GRHL1: variants seen among roughly 807,000 people sequenced by gnomAD.
GRHL1 encodes grainyhead like transcription factor 1, also known as grainyhead-like protein 1 homolog.
In GRHL1, 38 loss-of-function variants were observed where a neutral mutation model predicts 75.7. The ratio of observed to expected loss-of-function variants is 0.50; its 90% CI spans 0.39 to 0.66. GRHL1 has a LOEUF of 0.66. Ranked by LOEUF, GRHL1 falls within the 30% of genes least tolerant of loss-of-function variation. GRHL1 has a pLI of 0.00. For synonymous variants in GRHL1, 266 were observed against 279.4 expected (o/e 0.95, Z 0.48); for missense variants, 589 against 767.5 (o/e 0.77, Z 2.75).
chr2:9,994,984 C>T (rs542893954), intron 12 of GRHL1, among the ~76,000 whole-genome samples: 1 of 152,270 alleles, frequency 6.6e-6, no homozygotes, highest in African/African-American at 2.4e-5. Context: ...GGGGTCCCCT[C>T]CAGTCTTGAC....
intron 8 of GRHL1, among the ~76,000 whole-genome samples, chr2:9,972,840 G>C (rs1393529255): frequency 6.6e-6 from 1 of 152,168 alleles, no homozygotes; most frequent in Non-Finnish European, 1.5e-5. Flanking sequence ...CGTGACACAG[G>C]GGAGAACCGT....
Position 9,979,620 on chromosome 2 carries a change from A to G in GRHL1, c.1111-6504A>G, listed in dbSNP as rs374649169. Among the ~76,000 whole-genome samples the G allele has an allele frequency of 9.2e-5, 14 of 152,354 alleles. No homozygotes were observed. The East Asian group carries it at 1.9e-3, about 21-fold the overall frequency. ...ATTATAGCAGCAACGTTACAAAACC[A>G]TGTAAAATTCTACCTAAATTTCTCA... On this transcript the variant is annotated intron_variant, in intron 8 of 15. Coordinates refer to ENST00000324907, the MANE Select transcript of GRHL1 (RefSeq NM_198182.3).
Position 9,979,003 on chromosome 2 carries a change from T to C in GRHL1, c.1111-7121T>C, listed in dbSNP as rs574829552. Among the ~76,000 whole-genome samples the C allele has an allele frequency of 1.6e-3, 237 of 143,972 alleles. 1 individual carries two copies. Among genetic ancestry groups the C allele is most frequent in the African/African-American group, 5.9e-3 (227 of 38,356 alleles). The allele number at this position is 143,972 out of a possible 152,430, so 94.5% of individuals were successfully genotyped here. ...CAAAACTCCCTCTCAAAAAACAAAA[T>C]TCAAAAATTAGCCAGATGTAGTGGT... On this transcript the variant is annotated intron_variant, in intron 8 of 15. Transcript: ENST00000324907.
intron 8 of GRHL1, among the ~76,000 whole-genome samples, chr2:9,973,388 C>G (rs761391509): frequency 9.9e-5 from 15 of 152,110 alleles, no homozygotes; most frequent in Non-Finnish European, 2.1e-4. Context: ...GAAGGAAGGT[C>G]ATCAGTGTTT....
intron 8 of GRHL1, 42 bp downstream of exon 8, chr2:9,965,423 G>A (rs1358295505): frequency 1.0e-6 from 1 of 991,608 alleles, no homozygotes; most frequent in Non-Finnish European, 1.6e-6. Flanking sequence ...AGCCATTTGA[G>A]AAATGGGAGG....
chr2:9,953,459 T>G lies in GRHL1; in HGVS notation c.21-1456T>G, dbSNP rs141329211. ...TTAAAGTTGAGATTTGTGTAAGCAA[T>G]CTTCTCCATTTTTAGACAAATGATC... is the stretch of plus-strand genomic sequence containing the variant. On this transcript the variant is annotated intron_variant, in intron 1 of 15. Coordinates refer to ENST00000324907, the MANE Select transcript of GRHL1 (RefSeq NM_198182.3). Among the ~76,000 whole-genome samples, 594 of 152,372 alleles carry G rather than the reference T, an allele frequency of 3.9e-3. 6 individuals carry two copies. Among genetic ancestry groups the G allele is most frequent in the African/African-American group, 0.014 (574 of 41,584 alleles).
Position 9,958,852 on chromosome 2 carries a change from A to G in GRHL1, c.274A>G (p.Lys92Glu). 6.2e-7 allele frequency: 1 copy of G among 1,613,548 alleles called. No homozygotes were observed. Among genetic ancestry groups the G allele is most frequent in the Non-Finnish European group, 8.5e-7 (1 of 1,179,512 alleles). Residue 92 changes from lysine to glutamate, a missense_variant, in exon 3 of 16, where the codon AAA (lysine) becomes GAA (glutamate). Lys to Glu is a moderately conservative substitution (Grantham distance 56). Around this residue, in one of 5 missense-constraint regions of GRHL1, gnomAD observed 362 missense variants for 461.8 expected, o/e 0.78. Transcript: ENST00000324907. ...GGAGCACCCTGAGCCAGATCACAGC[A>G]AAAGGTAACATTCAGTGCCTAACAG... ...EVEHPEPDHS[K>E]RNSIPIVTEQ...
chr2:9,963,825 G>A lies in GRHL1; in HGVS notation c.747-61G>A, dbSNP rs41264181. The stretch of plus-strand genomic sequence containing the variant: ...AGATAGCAAATGCTATTTATAATAT[G>A]ATGTATAGCAAGCTTCCACGAGAGT... On this transcript the variant is annotated intron_variant, in intron 5 of 15. Transcript: ENST00000324907. The A allele has an allele frequency of 3.0e-4, 339 of 1,118,706 alleles. 4 individuals are homozygous for A. The highest frequency in any genetic ancestry group is 4.3e-4 in the Middle Eastern group (2 of 4,680). The allele number at this position is 1,118,706 out of a possible 1,614,324, so 69.3% of individuals were successfully genotyped here. A position where few individuals can be genotyped will look rare whatever the true frequency, so the allele number is the denominator to read the frequency against.
chr2:9,996,350 C>T lies in GRHL1; in HGVS notation c.1626C>T (p.Val542=). ...ACGTTCGAAAGGAGTCAGAAGAAGT[C>T]TTTGATGCCCTGATGCTCAAAACCC... is the stretch of plus-strand genomic sequence containing the variant. The part of the protein sequence containing the change: ...LLYVRKESEE[V]FDALMLKTPS... Residue 542 remains valine, a synonymous_variant, in exon 14 of 16, where the codon GTC becomes GTT. Transcript: ENST00000324907. 6.2e-7 allele frequency: 1 copy of T among 1,613,318 alleles called. No individual in the cohort carries two copies. Among genetic ancestry groups the T allele is most frequent in the Admixed American group, 1.7e-5 (1 of 60,022 alleles).
intron 2 of GRHL1, among the ~76,000 whole-genome samples, chr2:9,956,018 C>T (rs1257384633): frequency 6.6e-6 from 1 of 152,220 alleles, no homozygotes; most frequent in Non-Finnish European, 1.5e-5. Flanking sequence ...TCATCAGTAC[C>T]TGTATAAAAA....
chr2:9,977,694 C>A (rs1424729818), intron 8 of GRHL1, among the ~76,000 whole-genome samples: 1 of 152,178 alleles, frequency 6.6e-6, no homozygotes, highest in East Asian at 1.9e-4. Context: ...TGCAGTGTTA[C>A]AGGGACAGGA....
At position 9,951,952 on chromosome 2, in the gene GRHL1, G is replaced by A. The variant is rs1666797886; in HGVS notation, c.20+99G>A. On this transcript the variant is annotated intron_variant, in intron 1 of 15. Coordinates refer to ENST00000324907, the MANE Select transcript of GRHL1 (RefSeq NM_198182.3). This position sits in a 1 kb window ranked among gnomAD's most constrained non-coding sequence, Gnocchi z 4.2. ...GGCGCAGACCCGAGGCCGCGCGGGCGGGCGGGCGCGGGGCGCGAGCCGGGG... is the reference window on the plus strand; with the variant it reads ...GGCGCAGACCCGAGGCCGCGCGGGCAGGCGGGCGCGGGGCGCGAGCCGGGG... The A allele has an allele frequency of 1.4e-6, 1 of 697,866 alleles. No individual in the cohort carries two copies. The highest frequency in any genetic ancestry group is 1.8e-6 in the Non-Finnish European group (1 of 559,342). 43.2% of individuals were successfully genotyped at this position (697,866 alleles called of 1,614,324 possible). A position where few individuals can be genotyped will look rare whatever the true frequency, so the allele number is the denominator to read the frequency against.
At chr2:9,954,884 T>G in intron 1 of GRHL1, 31 bp from the exon 2 acceptor site, 4 of 1,559,688 alleles carry the variant, frequency 2.6e-6, no homozygotes, top group African/African-American at 1.4e-5. Context: ...GAAAAGTGTG[T>G]GTTTTTGTTT....
intron 8 of GRHL1, among the ~76,000 whole-genome samples, chr2:9,967,247 G>A (rs1299622190): frequency 6.6e-6 from 1 of 152,204 alleles, no homozygotes; most frequent in Non-Finnish European, 1.5e-5. Flanking sequence ...GGAGAGTCAC[G>A]AGGTTAGAGT....
rs544080633 is a variant in GRHL1, at chr2:9,987,390, C to G, written c.1269+1108C>G. ...GATAAGTACGTTTTGTTGGGCATGT[C>G]TGATAAGTAAAGGAGGTGCACACAG... On this transcript the variant is annotated intron_variant, in intron 9 of 15. Transcript: ENST00000324907. The surrounding 1 kb of genome is among the most constrained non-coding windows in gnomAD (Gnocchi z 4.2). 2.0e-5 allele frequency among the ~76,000 whole-genome samples: 3 copies of G among 152,168 alleles called. No individual in the cohort carries two copies. The highest frequency in any genetic ancestry group is 4.8e-5 in the African/African-American group (2 of 41,420).
intron 8 of GRHL1, among the ~76,000 whole-genome samples, chr2:9,977,746 G>A (rs983373112): frequency 6.6e-5 from 10 of 152,328 alleles, no homozygotes; most frequent in Middle Eastern, 3.4e-3. Context: ...TCCGCCCTCC[G>A]TGTCCTTGAT....
intron 8 of GRHL1, among the ~76,000 whole-genome samples, chr2:9,974,102 G>T (rs891499): frequency 3.3e-5 from 5 of 152,064 alleles, no homozygotes; most frequent in Admixed American, 1.3e-4. Context: ...CCGTCACTGT[G>T]GCAGTGTGGT....
intron 7 of GRHL1, 89 bp from the exon 8 acceptor site, chr2:9,965,198 A>G (rs1292905257): frequency 5.6e-6 from 4 of 709,782 alleles, no homozygotes; most frequent in Admixed American, 2.2e-5. Context: ...TGATAATGCT[A>G]AAAACTAGAT....
chr2:9,982,722 G>A (rs76271095), intron 8 of GRHL1, among the ~76,000 whole-genome samples: 16 of 152,286 alleles, frequency 1.1e-4, no homozygotes, highest in South Asian at 2.1e-4. Context: ...AGCCATTGCC[G>A]TATGAGATTC....
Sources: allele counts gnomAD v4.1 joint callset (sites outside exome capture counted in the v4.1 genomes callset), GRCh38; gene constraint gnomAD v4.1.1; regional missense constraint gnomAD v4.1.1; non-coding constraint Gnocchi (gnomAD v3.1); transcripts MANE v1.5; gene names NCBI Gene and HGNC (gene_info 2026-07-23, HGNC 2026-07-21).